SIL1: variants seen among roughly 807,000 people sequenced by gnomAD.
The protein encoded by SIL1 is SIL1 nucleotide exchange factor, also known as nucleotide exchange factor SIL1.
Under a neutral mutation model 49.1 loss-of-function variants are expected in SIL1, and 40 were observed. That is an observed-to-expected ratio of 0.81 (90% CI 0.63 to 1.06). SIL1 has a LOEUF of 1.06. SIL1 is among the 50% of genes least tolerant of loss of function. The pLI, the probability that SIL1 is intolerant of heterozygous loss-of-function variation, is 0.00. For missense variants in SIL1, 500 were observed against 572.6 expected, an observed-to-expected ratio of 0.87 and a Z score of 1.29; for synonymous variants, 253 against 250.8, an observed-to-expected ratio of 1.01 and a Z score of -0.08.
At chr5:139,036,235 A>G (rs1489294499) in intron 5 of SIL1, among the ~76,000 whole-genome samples, 1 of 152,184 alleles carries the variant, frequency 6.6e-6, no homozygotes, top group African/African-American at 2.4e-5. Flanking sequence ...GCCCATGCCT[A>G]TGTCCTGAAT....
At chr5:139,081,538 A>T (rs1770079254) in intron 3 of SIL1, among the ~76,000 whole-genome samples, 1 of 152,198 alleles carries the variant, frequency 6.6e-6, no homozygotes, top group African/African-American at 2.4e-5. Context: ...CTGTGCCATG[A>T]ACCACTGTCA....
At chr5:139,179,438 G>A (rs553219799) in intron 1 of SIL1, among the ~76,000 whole-genome samples, 118 of 152,296 alleles carry the variant, frequency 7.7e-4, no homozygotes, top group African/African-American at 2.8e-3. Context: ...CTTCAGAGGA[G>A]GTCCACAGAT....
intron 3 of SIL1, among the ~76,000 whole-genome samples, chr5:139,099,190 C>A (rs954458604): frequency 2.0e-5 from 3 of 152,056 alleles, no homozygotes; most frequent in Non-Finnish European, 4.4e-5. Flanking sequence ...CATCACTGAT[C>A]GTCAGAGAAA....
rs11437704 is a variant in SIL1, at chr5:139,108,906, G to GAA, written c.244+12127_244+12128dup. ...ACTGAGAGCATGAAAACAAGGAAAA[G>GAA]AAAAAAAAAAAAGAGTATTGTGTTC... On this transcript the variant is annotated intron_variant, in intron 3 of 9. Transcript: ENST00000394817. Among the ~76,000 whole-genome samples the GAA allele has an allele frequency of 7.7e-3, 1,101 of 143,880 alleles. 11 individuals are homozygous for GAA. The highest frequency in any genetic ancestry group is 0.02 in the African/African-American group (772 of 39,284). 94.4% of individuals were successfully genotyped at this position (143,880 alleles called of 152,430 possible).
intron 4 of SIL1, among the ~76,000 whole-genome samples, chr5:139,046,527 C>T (rs1245636578): frequency 3.3e-5 from 5 of 152,200 alleles, no homozygotes; most frequent in Non-Finnish European, 5.9e-5. Context: ...AAAGCCTTTT[C>T]CTTGATAAAG....
chr5:139,114,706 G>C (rs1311670301), intron 3 of SIL1, among the ~76,000 whole-genome samples: 2 of 152,208 alleles, frequency 1.3e-5, no homozygotes, highest in Non-Finnish European at 2.9e-5. Flanking sequence ...GCACTGTGCA[G>C]AAAGAAGTAG....
chr5:138,984,412 G>A (rs1767606514), intron 7 of SIL1, among the ~76,000 whole-genome samples: 1 of 149,934 alleles, frequency 6.7e-6, no homozygotes, highest in Non-Finnish European at 1.5e-5. Context: ...AGGCTGGAGT[G>A]CAGTGGGGTG....
intron 3 of SIL1, among the ~76,000 whole-genome samples, chr5:139,107,027 T>G (rs554398486): frequency 1.3e-5 from 2 of 152,346 alleles, no homozygotes; most frequent in South Asian, 2.1e-4. Flanking sequence ...ACAAGTGCCC[T>G]GATCACTCAG....
chr5:139,054,013 G>A (rs1769349772), intron 3 of SIL1, among the ~76,000 whole-genome samples: 1 of 152,224 alleles, frequency 6.6e-6, no homozygotes, highest in East Asian at 1.9e-4. Context: ...AAGTGAGGAG[G>A]CCCTTGCCTA....
chr5:139,140,045 T>G (rs1581128912), intron 1 of SIL1, among the ~76,000 whole-genome samples: 1 of 151,998 alleles, frequency 6.6e-6, no homozygotes, highest in South Asian at 2.1e-4. Flanking sequence ...CCGAGGCAGG[T>G]GGATCACTTG....
chr5:138,982,300 T>A (rs1767544404), intron 7 of SIL1, among the ~76,000 whole-genome samples: 1 of 152,200 alleles, frequency 6.6e-6, no homozygotes, highest in South Asian at 2.1e-4. Flanking sequence ...TTTGTCCAGT[T>A]CACCGGCCCC....
intron 3 of SIL1, among the ~76,000 whole-genome samples, chr5:139,116,497 G>A (rs1389191934): frequency 6.6e-6 from 1 of 152,154 alleles, no homozygotes; most frequent in African/African-American, 2.4e-5. Flanking sequence ...GCCCACATGG[G>A]GCCAACATGC....
rs545999438 is a variant in SIL1, at chr5:139,021,214, C to T, written c.724G>A (p.Val242Met). The T allele has an allele frequency of 2.1e-4, 333 of 1,614,030 alleles. No individual in the cohort carries two copies. Among genetic ancestry groups the T allele is most frequent in the Non-Finnish European group, 2.7e-4 (313 of 1,180,040 alleles). Residue 242 changes from valine to methionine, a missense_variant, in exon 7 of 10, where the codon GTG (valine) becomes ATG (methionine). Coordinates refer to ENST00000394817, the MANE Select transcript of SIL1 (RefSeq NM_022464.5). ...AGCACAAACGCAGCATACTCCTTCA[C>T]GAGGGGCTCTGTGCTGTTCAGCCCA... ...INGLNSTEPL[V>M]KEYAAFVLGA...
intron 7 of SIL1, among the ~76,000 whole-genome samples, chr5:138,964,318 C>T (rs1341989895): frequency 6.6e-6 from 1 of 152,156 alleles, no homozygotes; most frequent in Non-Finnish European, 1.5e-5. Context: ...ACAAAATTAA[C>T]AGCCGACAGA....
intron 5 of SIL1, among the ~76,000 whole-genome samples, chr5:139,029,025 T>A (rs1435765117): frequency 6.6e-6 from 1 of 152,218 alleles, no homozygotes; most frequent in African/African-American, 2.4e-5. Flanking sequence ...CCTGTAATCC[T>A]AGAAGTTTGG....
At chr5:139,143,310 C>T (rs1483293524) in intron 1 of SIL1, among the ~76,000 whole-genome samples, 904 of 52,690 alleles carry the variant, frequency 0.017, 11 homozygotes, top group African/African-American at 0.047. Flanking sequence ...CATATATACA[C>T]ACACACACAC....
At chr5:139,143,453 C>T (rs1306397933) in intron 1 of SIL1, among the ~76,000 whole-genome samples, 1 of 151,488 alleles carries the variant, frequency 6.6e-6, no homozygotes, top group Non-Finnish European at 1.5e-5. Context: ...TCACTGCAAC[C>T]TCTGCCTCCT....
At chr5:139,161,744 C>G (rs758447864) in intron 1 of SIL1, among the ~76,000 whole-genome samples, 2 of 152,042 alleles carry the variant, frequency 1.3e-5, no homozygotes, top group Admixed American at 1.3e-4. Flanking sequence ...TGGCCAGGTG[C>G]GGTGGCTCAT....
intron 4 of SIL1, among the ~76,000 whole-genome samples, chr5:139,045,295 C>A (rs1296700590): frequency 6.6e-6 from 1 of 152,152 alleles, no homozygotes; most frequent in Non-Finnish European, 1.5e-5. Flanking sequence ...CTGTAGTGAG[C>A]CATGATTAGG....
Sources: gnomAD v4.1 joint callset for allele counts (sites outside exome capture counted in the v4.1 genomes callset) on GRCh38, gnomAD v4.1.1 for gene constraint, MANE v1.5 for transcripts, NCBI Gene and HGNC (gene_info 2026-07-23, HGNC 2026-07-21) for gene names.